Variants in KCNG3 observed in about 807,000 individuals in gnomAD.
KCNG3 encodes the protein potassium voltage-gated channel modifier subfamily G member 3, also known as voltage-gated potassium channel regulatory subunit KCNG3.
Under a neutral mutation model 29.0 loss-of-function variants are expected in KCNG3, and 15 were observed. The ratio of observed to expected loss-of-function variants is 0.52; its 90% confidence interval spans 0.35 to 0.80. The LOEUF is 0.80. Ranked by LOEUF, KCNG3 falls within the 30% of genes least tolerant of loss-of-function variation. The probability of loss-of-function intolerance (pLI) is 0.01; values close to 1 mark genes in which losing one functional copy is unlikely to be tolerated. For synonymous variants in KCNG3, 322 were observed against 248.9 expected, an observed-to-expected ratio of 1.29 and a Z score of -2.76; for missense variants, 512 against 605.7, an observed-to-expected ratio of 0.85 and a Z score of 1.62.
At chr2:42,465,456 A>G (rs1236529654) in intron 1 of KCNG3, among the ~76,000 whole-genome samples, 1 of 152,098 alleles carries the variant, frequency 6.6e-6, no homozygotes, top group Non-Finnish European at 1.5e-5. Context: ...GGCTCAAGTG[A>G]TCCACCCACC....
In KCNG3 at chr2:42,493,472, C is replaced by G; in HGVS notation, c.30G>C (p.Ser10=). The G allele has an allele frequency of 2.1e-6, 3 of 1,434,240 alleles. No individual in the cohort carries two copies. Among genetic ancestry groups the G allele is most frequent in the Non-Finnish European group, 1.8e-6 (2 of 1,102,194 alleles). The allele number at this position is 1,434,240 out of a possible 1,614,324, so 88.8% of individuals were successfully genotyped here. Residue 10 remains serine, a synonymous_variant, in exon 1 of 2, where the codon TCG becomes TCC. Coordinates refer to ENST00000306078, the MANE Select transcript of KCNG3 (RefSeq NM_133329.6). The stretch of plus-strand genomic sequence containing the variant: ...GGGCGCCGCCCACGTTCAGCACCAC[C>G]GAGGCCGCCCCGCTGCGCCCGAAGG... MTFGRSGAA[S]VVLNVGGARY... is the part of the protein sequence containing the mutation.
At chr2:42,492,408 T>A (rs1673905139) in intron 1 of KCNG3, among the ~76,000 whole-genome samples, 1 of 152,206 alleles carries the variant, frequency 6.6e-6, no homozygotes, top group South Asian at 2.1e-4. Flanking sequence ...CATTTCACCA[T>A]AACAAGAATC....
chr2:42,420,761 G>C, the KCNG3 span, among the ~76,000 whole-genome samples: 1 of 151,968 alleles, frequency 6.6e-6, no homozygotes, highest in African/African-American at 2.4e-5. Flanking sequence ...TTGCACTCCA[G>C]ACTGGGTAAC....
At chr2:42,389,276 C>G in the KCNG3 span, among the ~76,000 whole-genome samples, 1 of 152,296 alleles carries the variant, frequency 6.6e-6, no homozygotes, top group Middle Eastern at 3.4e-3. Flanking sequence ...CATAGTCTTT[C>G]CACATCATCA....
At chr2:42,429,341 T>C in the KCNG3 span, among the ~76,000 whole-genome samples, 1 of 152,184 alleles carries the variant, frequency 6.6e-6, no homozygotes, top group Non-Finnish European at 1.5e-5. Context: ...AACATGCCAA[T>C]GACTTCAATT....
chr2:42,479,100 G>T (rs899975993), intron 1 of KCNG3, among the ~76,000 whole-genome samples: 1 of 151,952 alleles, frequency 6.6e-6, no homozygotes, highest in Non-Finnish European at 1.5e-5. Flanking sequence ...GCACGTTTTG[G>T]ATTTTCAGAT....
At chr2:42,446,409 C>T (rs1298523211) in intron 1 of KCNG3, among the ~76,000 whole-genome samples, 3 of 152,020 alleles carry the variant, frequency 2.0e-5, no homozygotes, top group African/African-American at 7.2e-5. Context: ...AGACTTCTGA[C>T]CTCAAGTGAT....
chr2:42,491,819 C>G (rs1673884938), intron 1 of KCNG3, among the ~76,000 whole-genome samples: 1 of 152,162 alleles, frequency 6.6e-6, no homozygotes, highest in African/African-American at 2.4e-5. Context: ...ATGTACATGC[C>G]TATCAGTAAA....
chr2:42,480,239 T>C (rs1400135163), intron 1 of KCNG3, among the ~76,000 whole-genome samples: 2 of 146,218 alleles, frequency 1.4e-5, no homozygotes, highest in Non-Finnish European at 3.1e-5. Flanking sequence ...GTTAGAAGAC[T>C]AGAATCAGGC....
At chr2:42,418,931 T>C in the KCNG3 span, among the ~76,000 whole-genome samples, 1 of 152,172 alleles carries the variant, frequency 6.6e-6, no homozygotes, top group Non-Finnish European at 1.5e-5. Flanking sequence ...TCAGATTTTA[T>C]GGCTCATAGT....
rs1553329191 is a variant in KCNG3, at chr2:42,466,753, C to CCTT, written c.666-22175_666-22174insAAG. ...GTGGCAAAAACTGCAAATACTCTTC[C>CCTT]TTTTTTTTTTTTTTTTTGAGATGGA... On this transcript the variant is annotated intron_variant, in intron 1 of 1. Coordinates refer to ENST00000306078, the MANE Select transcript of KCNG3 (RefSeq NM_133329.6). Among the ~76,000 whole-genome samples, 78 of 134,234 alleles carry CCTT rather than the reference C, an allele frequency of 5.8e-4. 8 individuals carry two copies. In the Middle Eastern group the frequency reaches 0.012, roughly 21 times the overall value. 88.1% of individuals were successfully genotyped at this position (134,234 alleles called of 152,430 possible).
intron 1 of KCNG3, among the ~76,000 whole-genome samples, chr2:42,465,588 G>C (rs1470229315): frequency 1.3e-5 from 2 of 151,654 alleles, no homozygotes; most frequent in African/African-American, 4.9e-5. Flanking sequence ...TCTTACATAG[G>C]GCACAAAAAG....
At chr2:42,430,363 AAAAT>A in the KCNG3 span, among the ~76,000 whole-genome samples, 75,749 of 139,814 alleles carry the variant, frequency 0.54, 21,056 homozygotes, top group South Asian at 0.63. Flanking sequence ...GACTGTCTTA[AAAAT>A]AAATAAATAA....
intron 1 of KCNG3, among the ~76,000 whole-genome samples, chr2:42,445,987 G>C (rs770655776): frequency 1.3e-5 from 2 of 151,156 alleles, no homozygotes; most frequent in African/African-American, 4.9e-5. Context: ...TCAGCCTCCC[G>C]AAGTGTCGGG....
chr2:42,452,019 C>T (rs1470006438), intron 1 of KCNG3, among the ~76,000 whole-genome samples: 1 of 151,792 alleles, frequency 6.6e-6, no homozygotes, highest in Non-Finnish European at 1.5e-5. Context: ...ATTTACAGGA[C>T]ATACAAAGAA....
chr2:42,472,154 T>G (rs1572856749), intron 1 of KCNG3, among the ~76,000 whole-genome samples: 1 of 152,174 alleles, frequency 6.6e-6, no homozygotes, highest in East Asian at 1.9e-4. Flanking sequence ...ACATGTGCAC[T>G]GAGACATGAA....
chr2:42,393,389 T>C, the KCNG3 span, among the ~76,000 whole-genome samples: 1 of 151,908 alleles, frequency 6.6e-6, no homozygotes, highest in Non-Finnish European at 1.5e-5. Context: ...GGTGAAACCC[T>C]GTCTCTGCTA....
chr2:42,396,943 A>G, the KCNG3 span, among the ~76,000 whole-genome samples: 3 of 152,316 alleles, frequency 2.0e-5, no homozygotes, highest in Non-Finnish European at 2.9e-5. Flanking sequence ...AAGCCACACA[A>G]TGGAGTAATG....
At chr2:42,389,198 A>C in the KCNG3 span, among the ~76,000 whole-genome samples, 1 of 152,310 alleles carries the variant, frequency 6.6e-6, no homozygotes, top group African/African-American at 2.4e-5. Flanking sequence ...GATTATAGTC[A>C]TGAGCCACCT....
Sources: gnomAD v4.1 joint callset for allele counts (sites outside exome capture counted in the v4.1 genomes callset) on GRCh38, gnomAD v4.1.1 for gene constraint, MANE v1.5 for transcripts, NCBI Gene and HGNC (gene_info 2026-07-23, HGNC 2026-07-21) for gene names.